UIMC1: variants seen among roughly 807,000 people sequenced by gnomAD.
UIMC1 encodes the protein BRCA1-A complex subunit RAP80.
In UIMC1, 42 loss-of-function variants were observed where a neutral mutation model predicts 84.9. That is an observed-to-expected ratio of 0.49 (90% CI 0.39 to 0.64). The LOEUF (loss-of-function observed/expected upper bound fraction) is 0.64, where lower values mean the gene tolerates loss of function less well. Among genes scored for constraint, UIMC1 ranks in the 30% least tolerant of loss-of-function variants. The pLI, the probability that UIMC1 is intolerant of heterozygous loss-of-function variation, is 0.00. For missense variants in UIMC1, 825 were observed against 847.6 expected (o/e 0.97, Z 0.33); for synonymous variants, 281 against 293.0 (o/e 0.96, Z 0.42).
At chr5:176,973,343 A>G (rs1769557148) in intron 3 of UIMC1, among the ~76,000 whole-genome samples, 1 of 152,180 alleles carries the variant, frequency 6.6e-6, no homozygotes, top group South Asian at 2.1e-4. Context: ...ACAGACATAC[A>G]ATCAGTACAT....
At chr5:176,933,284 G>A (rs2149427484) in intron 10 of UIMC1, among the ~76,000 whole-genome samples, 1 of 152,210 alleles carries the variant, frequency 6.6e-6, no homozygotes, top group East Asian at 1.9e-4. Flanking sequence ...AATATAAATT[G>A]ACTTTTTAAA....
At chr5:176,996,818 C>G (rs1437117916) in intron 1 of UIMC1, among the ~76,000 whole-genome samples, 1 of 152,082 alleles carries the variant, frequency 6.6e-6, no homozygotes, top group African/African-American at 2.4e-5. Context: ...TGGCCAATTG[C>G]CTGCCATTGG....
At chr5:176,993,504 C>A (rs1329302248) in intron 1 of UIMC1, among the ~76,000 whole-genome samples, 1 of 152,086 alleles carries the variant, frequency 6.6e-6, no homozygotes, top group East Asian at 1.9e-4. Flanking sequence ...TATTTTCTTA[C>A]CTTTTAAAAA....
chr5:176,964,924 T>C (rs1250553250), intron 6 of UIMC1, among the ~76,000 whole-genome samples: 2 of 152,158 alleles, frequency 1.3e-5, no homozygotes, highest in African/African-American at 4.8e-5. Flanking sequence ...AAATTTAAAA[T>C]TTGAATTGGG....
At position 176,990,159 on chromosome 5, in the gene UIMC1, C is replaced by T. The variant is rs549497780; in HGVS notation, c.-8-7536G>A. Among the ~76,000 whole-genome samples, 22 of 149,968 alleles carry T rather than the reference C, an allele frequency of 1.5e-4. No individual in the cohort carries two copies. In the East Asian group the frequency reaches 3.9e-3, roughly 27 times the overall value. ...TCGAGCCACTGCACTCCAGCCTGGG[C>T]AACAGAGCGAGACTCTGTTACAAAA... On this transcript the variant is annotated intron_variant, in intron 1 of 14. Coordinates refer to ENST00000511320, the MANE Select transcript of UIMC1 (RefSeq NM_001199298.2).
intron 1 of UIMC1, 93 bp from the exon 2 acceptor site, chr5:176,982,716 T>C (rs1430087286): frequency 7.2e-7 from 1 of 1,396,992 alleles, no homozygotes; most frequent in Non-Finnish European, 9.6e-7. Context: ...CTTAGTCTTT[T>C]TTTGAGATGG....
At chr5:176,965,251 C>A (rs1768104104) in intron 6 of UIMC1, among the ~76,000 whole-genome samples, 1 of 152,044 alleles carries the variant, frequency 6.6e-6, no homozygotes, top group Non-Finnish European at 1.5e-5. Context: ...GAAAACCCTT[C>A]TCTATTAAAA....
chr5:176,950,056 G>T (rs558954866), intron 9 of UIMC1, among the ~76,000 whole-genome samples: 9 of 147,326 alleles, frequency 6.1e-5, no homozygotes, highest in Non-Finnish European at 1.3e-4. Flanking sequence ...ACTTTGTCTC[G>T]AGGAGAAAAA....
intron 4 of UIMC1, chr5:176,969,937 A>G: frequency 2.2e-6 from 1 of 456,376 alleles, no homozygotes; most frequent in South Asian, 2.9e-5. Context: ...GCATAAAAAG[A>G]TGGTTCAGGA....
intron 3 of UIMC1, among the ~76,000 whole-genome samples, chr5:176,974,445 G>A (rs903844331): frequency 1.3e-5 from 2 of 151,952 alleles, no homozygotes; most frequent in African/African-American, 4.8e-5. Context: ...ATTTCCAGAA[G>A]AAAATAGGTG....
At chr5:176,993,459 G>C (rs911087339) in intron 1 of UIMC1, among the ~76,000 whole-genome samples, 3 of 152,172 alleles carry the variant, frequency 2.0e-5, no homozygotes, top group East Asian at 1.9e-4. Context: ...AAAGTGCTGG[G>C]ATTACAGATG....
intron 1 of UIMC1, chr5:177,022,388 C>A: frequency 4.1e-6 from 1 of 242,062 alleles, no homozygotes; most frequent in Non-Finnish European, 7.9e-6. Flanking sequence ...GCCTCAGTTT[C>A]CCTGTGAATG....
intron 1 of UIMC1, among the ~76,000 whole-genome samples, chr5:176,996,889 T>C (rs939567004): frequency 1.3e-5 from 2 of 152,122 alleles, no homozygotes; most frequent in Non-Finnish European, 2.9e-5. Context: ...GGAAGCTCCA[T>C]GAAATAAGAC....
At chr5:176,976,203 T>C (rs1056561232) in intron 2 of UIMC1, among the ~76,000 whole-genome samples, 7 of 152,096 alleles carry the variant, frequency 4.6e-5, no homozygotes, top group African/African-American at 1.7e-4. Context: ...TGGTCCTAGC[T>C]ACTCAGGAGG....
At chr5:176,915,095 G>A (rs1760791711) in intron 10 of UIMC1, among the ~76,000 whole-genome samples, 1 of 152,078 alleles carries the variant, frequency 6.6e-6, no homozygotes, top group Non-Finnish European at 1.5e-5. Flanking sequence ...CACAGATAGG[G>A]ATGGAAAAAG....
chr5:176,945,513 C>T (rs1379423264), intron 9 of UIMC1, among the ~76,000 whole-genome samples: 1 of 152,202 alleles, frequency 6.6e-6, no homozygotes, highest in African/African-American at 2.4e-5. Context: ...GTCAACAGCG[C>T]GTGATGTGCT....
chr5:176,950,380 G>C (rs917460227), intron 9 of UIMC1, among the ~76,000 whole-genome samples: 2 of 151,362 alleles, frequency 1.3e-5, no homozygotes, highest in Non-Finnish European at 2.9e-5. Flanking sequence ...TTACAGGCAT[G>C]AGCCACTGCG....
chr5:176,907,846 T>C (rs1247596278), intron 12 of UIMC1, among the ~76,000 whole-genome samples: 1 of 152,224 alleles, frequency 6.6e-6, no homozygotes, highest in Non-Finnish European at 1.5e-5. Context: ...GTACATCCAC[T>C]GACCTAATAG....
chr5:176,999,611 GT>G (rs1774153923), intron 1 of UIMC1, among the ~76,000 whole-genome samples: 1 of 150,636 alleles, frequency 6.6e-6, no homozygotes, highest in Non-Finnish European at 1.5e-5. Flanking sequence ...TAGCTCAACT[GT>G]TTTGATTTTT....
Sources: gnomAD v4.1 joint callset for allele counts (sites outside exome capture counted in the v4.1 genomes callset) on GRCh38, gnomAD v4.1.1 for gene constraint, MANE v1.5 for transcripts, NCBI Gene and HGNC (gene_info 2026-07-23, HGNC 2026-07-21) for gene names.